Variants in DAB1 observed in about 807,000 individuals in gnomAD.
The protein encoded by DAB1 is disabled homolog 1.
DAB1 carries 15 observed loss-of-function variants against 64.6 expected under a neutral mutation model. The observed-to-expected ratio is 0.23, with a 90% CI of 0.16 to 0.36. The LOEUF is 0.36. Ranked by LOEUF, DAB1 falls within the 10% of genes least tolerant of loss-of-function variation. DAB1 has a pLI of 1.00. For synonymous variants in DAB1, 235 were observed against 251.9 expected, an observed-to-expected ratio of 0.93 and a Z score of 0.64; for missense variants, 596 against 706.7, an observed-to-expected ratio of 0.84 and a Z score of 1.78.
chr1:57,523,461 A>G (rs948000321), intron 7 of DAB1, among the ~76,000 whole-genome samples: 1 of 152,244 alleles, frequency 6.6e-6, no homozygotes, highest in Admixed American at 6.5e-5. Context: ...ACAAACAGCC[A>G]ATGAGCAGCT....
chr1:57,739,474 C>CCCCTCCCCTT, intron 6 of DAB1, among the ~76,000 whole-genome samples: 1 of 98,726 alleles, frequency 1.0e-5, no homozygotes, highest in Non-Finnish European at 2.0e-5. Context: ...CCCCTCCCCT[C>CCCCTCCCCTT]CCCTCCCCTC....
chr1:57,745,011 C>T (rs558311584), intron 6 of DAB1, among the ~76,000 whole-genome samples: 2 of 152,234 alleles, frequency 1.3e-5, no homozygotes, highest in South Asian at 4.1e-4. Flanking sequence ...TCTATTTTAG[C>T]AATATGAATC....
intron 3 of DAB1, among the ~76,000 whole-genome samples, chr1:58,370,374 CGT>C (rs67230027): frequency 0.19 from 27,054 of 144,182 alleles, 2,548 homozygotes; most frequent in Admixed American, 0.33. Context: ...TGAGTGTGTG[CGT>C]GTGTGTGTGT....
At chr1:58,009,445 G>T (rs921009137) in intron 5 of DAB1, among the ~76,000 whole-genome samples, 1 of 152,158 alleles carries the variant, frequency 6.6e-6, no homozygotes, top group Non-Finnish European at 1.5e-5. Context: ...GGTATAGCTT[G>T]CTGGGAATCA....
intron 2 of DAB1, among the ~76,000 whole-genome samples, chr1:57,271,037 C>T (rs1236163579): frequency 2.6e-5 from 4 of 152,160 alleles, no homozygotes; most frequent in South Asian, 2.1e-4. Context: ...AGTTGGAAGA[C>T]GCTAATGCAA....
chr1:57,533,381 A>T lies in DAB1; in HGVS notation n.625+116211T>A, dbSNP rs377175041. ...ATAATATTTTAAGAATGAAAGCATT[A>T]AAGTTTAATGATTTTTTTTTTTACT... On this transcript the variant is annotated intron_variant and non_coding_transcript_variant, in intron 7 of 20. Transcript: ENST00000485760. Among the ~76,000 whole-genome samples the T allele has an allele frequency of 5.3e-5, 8 of 151,952 alleles. No homozygotes were observed. The South Asian group carries it at 1.7e-3, about 32-fold the overall frequency.
At chr1:57,115,098 C>T (rs1031643223) in intron 4 of DAB1, among the ~76,000 whole-genome samples, 1 of 152,128 alleles carries the variant, frequency 6.6e-6, no homozygotes, top group Non-Finnish European at 1.5e-5. Flanking sequence ...TCCATCTCAC[C>T]GGCTCACAGA....
chr1:57,703,714 T>C (rs1646933691), intron 6 of DAB1, among the ~76,000 whole-genome samples: 1 of 152,176 alleles, frequency 6.6e-6, no homozygotes. Flanking sequence ...TAAATTATTC[T>C]ATTATAAAGA....
chr1:57,799,592 G>A (rs1020886798), intron 6 of DAB1, among the ~76,000 whole-genome samples: 6 of 151,242 alleles, frequency 4.0e-5, no homozygotes, highest in East Asian at 1.9e-4. Flanking sequence ...ATCTGGGGGG[G>A]GCTTTCAGGA....
At chr1:58,145,986 C>T (rs976955601) in intron 5 of DAB1, among the ~76,000 whole-genome samples, 8 of 152,142 alleles carry the variant, frequency 5.3e-5, no homozygotes, top group Non-Finnish European at 7.4e-5. Context: ...GCATGAAGAC[C>T]TTTATGATGG....
chr1:57,231,441 G>A (rs187464821), intron 2 of DAB1, among the ~76,000 whole-genome samples: 2 of 152,210 alleles, frequency 1.3e-5, no homozygotes, highest in Non-Finnish European at 2.9e-5. Flanking sequence ...TTTCATGTCT[G>A]TACACCCTCT....
At chr1:57,858,790 G>C (rs1025436489) in intron 1 of DAB1, among the ~76,000 whole-genome samples, 2 of 149,800 alleles carry the variant, frequency 1.3e-5, no homozygotes, top group East Asian at 2.0e-4. Flanking sequence ...AGGCATTCTA[G>C]ATGGGCTGAG....
At chr1:57,716,525 G>A (rs940543209) in intron 6 of DAB1, among the ~76,000 whole-genome samples, 1 of 152,132 alleles carries the variant, frequency 6.6e-6, no homozygotes, top group Non-Finnish European at 1.5e-5. Flanking sequence ...GAGAAAACTA[G>A]ACATCCACAT....
At chr1:58,453,131 C>T (rs1158838936) in intron 3 of DAB1, among the ~76,000 whole-genome samples, 1 of 152,102 alleles carries the variant, frequency 6.6e-6, no homozygotes, top group Non-Finnish European at 1.5e-5. Context: ...AAGACCATCT[C>T]AAAAGATACC....
intron 7 of DAB1, among the ~76,000 whole-genome samples, chr1:57,563,413 A>G (rs1259544820): frequency 6.6e-6 from 1 of 152,150 alleles, no homozygotes; most frequent in Non-Finnish European, 1.5e-5. Context: ...TACCAGGTTT[A>G]TCTCACTGGG....
rs1670833006 is a variant in DAB1 at position 57,269,540 on chromosome 1, C to T, written c.67+21424G>A. ...GGTCAGGCAGGTGGTTCAATGAGGCCCTACGTAGGTATGTCCAGGGGCGTC... is the reference window on the plus strand; with the variant it reads ...GGTCAGGCAGGTGGTTCAATGAGGCTCTACGTAGGTATGTCCAGGGGCGTC... On this transcript the variant is annotated intron_variant, in intron 2 of 14. Coordinates refer to ENST00000371236, the MANE Select transcript of DAB1 (RefSeq NM_001365792.1). Among the ~76,000 whole-genome samples, 5 of 152,018 alleles carry T rather than the reference C, an allele frequency of 3.3e-5. No homozygotes were observed. The South Asian group carries it at 1.0e-3, about 32-fold the overall frequency.
At chr1:57,763,056 C>T (rs1649154424) in intron 6 of DAB1, among the ~76,000 whole-genome samples, 1 of 152,188 alleles carries the variant, frequency 6.6e-6, no homozygotes, top group Non-Finnish European at 1.5e-5. Context: ...GTCATCCACT[C>T]TACCACTCCC....
At chr1:57,889,894 T>TGGGG (rs1259975929) in intron 5 of DAB1, among the ~76,000 whole-genome samples, 7 of 8,008 alleles carry the variant, frequency 8.7e-4, no homozygotes, top group African/African-American at 2.0e-3. Flanking sequence ...TAGCACAAAC[T>TGGGG]GGGGCGGGGG....
At chr1:57,446,300 A>G (rs1372766025) in intron 7 of DAB1, among the ~76,000 whole-genome samples, 1 of 152,162 alleles carries the variant, frequency 6.6e-6, no homozygotes. Flanking sequence ...AAGTTGTTAC[A>G]TATGACTAAA....
Sources: gnomAD v4.1 joint callset for allele counts (sites outside exome capture counted in the v4.1 genomes callset) on GRCh38, gnomAD v4.1.1 for gene constraint, MANE v1.5 for transcripts, NCBI Gene and HGNC (gene_info 2026-07-23, HGNC 2026-07-21) for gene names.